The following GRID2 variants were observed in gnomAD, a reference collection of about 807,000 sequenced individuals.
GRID2 encodes the protein glutamate ionotropic receptor delta type subunit 2.
GRID2 carries 33 observed loss-of-function variants against 114.8 expected under a neutral mutation model. That is an observed-to-expected ratio of 0.29 (90% CI 0.22 to 0.38). The LOEUF (loss-of-function observed/expected upper bound fraction) is 0.38. Ranked by LOEUF, GRID2 falls within the 10% of genes least tolerant of loss-of-function variation. GRID2 has a pLI of 1.00. For synonymous variants in GRID2, 505 were observed against 449.9 expected (o/e 1.12, Z -1.55); for missense variants, 1,184 against 1,257.7 (o/e 0.94, Z 0.89).
chr4:92,848,890 G>C (rs1188795470), intron 2 of GRID2, among the ~76,000 whole-genome samples: 1 of 151,904 alleles, frequency 6.6e-6, no homozygotes, highest in South Asian at 2.1e-4. Context: ...AGGACACTGT[G>C]AGGGAGTGGA....
At chr4:92,698,621 A>C (rs993261141) in intron 2 of GRID2, among the ~76,000 whole-genome samples, 11 of 151,830 alleles carry the variant, frequency 7.2e-5, no homozygotes, top group Non-Finnish European at 1.6e-4. Flanking sequence ...TCTGATATAG[A>C]AGCTGATCTT....
chr4:92,448,300 G>A (rs1380947830), intron 1 of GRID2, among the ~76,000 whole-genome samples: 2 of 151,934 alleles, frequency 1.3e-5, no homozygotes, highest in East Asian at 3.9e-4. Flanking sequence ...TCAGCCTCCT[G>A]AATAGCCGGG....
chr4:92,634,018 G>C (rs1207770818), intron 2 of GRID2, among the ~76,000 whole-genome samples: 1 of 151,696 alleles, frequency 6.6e-6, no homozygotes, highest in Non-Finnish European at 1.5e-5. Flanking sequence ...TCTATAGCAG[G>C]GGTGTCCAAT....
At chr4:92,469,463 T>C (rs541077383) in intron 1 of GRID2, among the ~76,000 whole-genome samples, 2 of 152,186 alleles carry the variant, frequency 1.3e-5, no homozygotes, top group Admixed American at 1.3e-4. Flanking sequence ...AATCTCTAGA[T>C]TAGTTATAAT....
At chr4:93,010,578 CT>C (rs1722031693) in intron 2 of GRID2, among the ~76,000 whole-genome samples, 1 of 152,166 alleles carries the variant, frequency 6.6e-6, no homozygotes, top group Non-Finnish European at 1.5e-5. Context: ...CACATATAGA[CT>C]TTCCTTGCAT....
At chr4:93,489,893 G>A (rs1385328986) in intron 11 of GRID2, among the ~76,000 whole-genome samples, 1 of 151,890 alleles carries the variant, frequency 6.6e-6, no homozygotes, top group Non-Finnish European at 1.5e-5. Context: ...AATCATGTAG[G>A]CTTTTATCTA....
intron 2 of GRID2, among the ~76,000 whole-genome samples, chr4:92,746,313 T>G (rs552615429): frequency 3.9e-4 from 59 of 152,144 alleles, no homozygotes; most frequent in Non-Finnish European, 7.2e-4. Flanking sequence ...CATATAACTT[T>G]TAAAATATAT....
intron 13 of GRID2, among the ~76,000 whole-genome samples, chr4:93,589,008 G>C (rs13116181): frequency 6.6e-6 from 1 of 150,504 alleles, no homozygotes; most frequent in South Asian, 2.1e-4. Flanking sequence ...ATTCAACAAC[G>C]TTCATGATTC....
intron 2 of GRID2, among the ~76,000 whole-genome samples, chr4:92,594,689 C>T (rs1728864720): frequency 3.3e-5 from 5 of 152,034 alleles, no homozygotes; most frequent in African/African-American, 9.6e-5. Flanking sequence ...GTGCTGATTC[C>T]CTTAACCTGA....
At position 93,093,006 on chromosome 4, in the gene GRID2, C is replaced by T. The variant is rs573487084; in HGVS notation, c.529+7727C>T. On this transcript the variant is annotated intron_variant, in intron 3 of 15. Transcript: ENST00000282020. ...GAGCTTGAATGACCTAAGCAAACTA[C>T]AACGAACACTTTCAGATTTCAGGTC... Among the ~76,000 whole-genome samples the T allele has an allele frequency of 3.3e-5, 5 of 152,062 alleles. No homozygotes were observed. The South Asian group carries it at 1.0e-3, about 31-fold the overall frequency.
At chr4:92,780,128 A>G (rs1738998600) in intron 2 of GRID2, among the ~76,000 whole-genome samples, 1 of 152,126 alleles carries the variant, frequency 6.6e-6, no homozygotes, top group South Asian at 2.1e-4. Context: ...CTGTTTTCCT[A>G]CAGGTAAAAT....
chr4:92,898,957 G>C (rs1218996937), intron 2 of GRID2, among the ~76,000 whole-genome samples: 2 of 151,996 alleles, frequency 1.3e-5, no homozygotes, highest in African/African-American at 4.8e-5. Flanking sequence ...CAATTACAAA[G>C]AGTTTTACAC....
intron 11 of GRID2, among the ~76,000 whole-genome samples, chr4:93,484,503 C>T (rs766298344): frequency 7.9e-5 from 12 of 151,768 alleles, no homozygotes; most frequent in Non-Finnish European, 1.8e-4. Context: ...TTGAATTGAG[C>T]AAAGAGCCAT....
At chr4:93,076,119 T>C (rs1338107620) in intron 2 of GRID2, among the ~76,000 whole-genome samples, 1 of 151,988 alleles carries the variant, frequency 6.6e-6, no homozygotes, top group Admixed American at 6.6e-5. Context: ...GCCAGGATGG[T>C]CTCGATCTGA....
At chr4:92,430,511 C>T (rs1029610301) in intron 1 of GRID2, among the ~76,000 whole-genome samples, 1 of 152,086 alleles carries the variant, frequency 6.6e-6, no homozygotes, top group African/African-American at 2.4e-5. Context: ...GTTACAATAG[C>T]TCTGTAGTAT....
intron 2 of GRID2, among the ~76,000 whole-genome samples, chr4:92,745,099 A>G (rs1331544531): frequency 6.6e-6 from 1 of 152,216 alleles, no homozygotes; most frequent in East Asian, 1.9e-4. Flanking sequence ...CACAGAGGAG[A>G]ATAAAACAGA....
intron 2 of GRID2, among the ~76,000 whole-genome samples, chr4:92,605,357 C>T (rs550600345): frequency 7.9e-4 from 120 of 151,974 alleles, no homozygotes; most frequent in African/African-American, 2.5e-3. Flanking sequence ...TTCTTATTCA[C>T]GGTACACTAG....
At chr4:92,943,069 A>C (rs1237866882) in intron 2 of GRID2, among the ~76,000 whole-genome samples, 1 of 151,974 alleles carries the variant, frequency 6.6e-6, no homozygotes, top group Non-Finnish European at 1.5e-5. Context: ...CTTCTCGAGG[A>C]GTATCTTTGT....
chr4:92,864,645 G>A (rs947568715), intron 2 of GRID2, among the ~76,000 whole-genome samples: 1 of 152,096 alleles, frequency 6.6e-6, no homozygotes, highest in Admixed American at 6.6e-5. Context: ...CCAGATATTA[G>A]GAAGGGTATA....
Sources: gnomAD v4.1 joint callset for allele counts (sites outside exome capture counted in the v4.1 genomes callset) on GRCh38, gnomAD v4.1.1 for gene constraint, MANE v1.5 for transcripts, NCBI Gene and HGNC (gene_info 2026-07-23, HGNC 2026-07-21) for gene names.